The following FOLR2 variants were observed in gnomAD, a reference collection of about 807,000 sequenced individuals.
FOLR2 encodes folate receptor beta, also known as folate receptor 2 (fetal).
In FOLR2, 14 loss-of-function variants were observed where a neutral mutation model predicts 20.4. The observed-to-expected ratio is 0.68, with a 90% CI of 0.45 to 1.07. The LOEUF (loss-of-function observed/expected upper bound fraction) is 1.07, where lower values mean the gene tolerates loss of function less well. FOLR2 is among the 50% of genes least tolerant of loss of function. The pLI is 0.00. For synonymous variants in FOLR2, 114 were observed against 114.3 expected, an observed-to-expected ratio of 1.00 and a Z score of 0.02; for missense variants, 269 against 322.6, an observed-to-expected ratio of 0.83 and a Z score of 1.27.
In FOLR2 at chr11:72,221,152, C is replaced by G. The variant is rs753183270; in HGVS notation, c.340-24C>G. The G allele has an allele frequency of 5.0e-6, 8 of 1,595,294 alleles. No homozygotes were observed. In the East Asian group the frequency reaches 1.4e-4, roughly 27 times the overall value. ...GCCAGCATCCCTGGCTGAGAGGAGC[C>G]CTGCCTCCCCACCTCCCACCCAGGT... On this transcript the variant is annotated intron_variant, in intron 3 of 4. Transcript: ENST00000298223.
chr11:72,221,332 G>C (rs1225810441), intron 4 of FOLR2, 21 bp downstream of exon 4: 1 of 1,610,048 alleles, frequency 6.2e-7, no homozygotes, highest in Non-Finnish European at 8.5e-7. Flanking sequence ...TTGAGTTGGG[G>C]TTAGGAAAAA....
intron 2 of FOLR2, among the ~76,000 whole-genome samples, chr11:72,220,356 T>A (rs988816432): frequency 2.0e-5 from 3 of 152,220 alleles, no homozygotes; most frequent in African/African-American, 7.2e-5. Context: ...CAATTCCACA[T>A]TACCATTTCC....
In FOLR2 at chr11:72,220,854, T is replaced by A; in HGVS notation, c.151-16T>A. 6.2e-7 allele frequency: 1 copy of A among 1,613,726 alleles called. No individual in the cohort carries two copies. The highest frequency in any genetic ancestry group is 1.1e-5 in the South Asian group (1 of 91,060). On this transcript the variant is annotated splice_polypyrimidine_tract_variant and intron_variant, in intron 2 of 4. Coordinates refer to ENST00000298223, the MANE Select transcript of FOLR2 (RefSeq NM_000803.5). Reference sequence around the variant, plus strand: ...GGGTATGGGGAGGCACTTAGTCCTGTGTCTTCCCCACCCAGTGCAGTCCCT... The same window carrying A: ...GGGTATGGGGAGGCACTTAGTCCTGAGTCTTCCCCACCCAGTGCAGTCCCT...
Position 72,221,067 on chromosome 11 carries a change from T to TCGGGGGGGGGC in FOLR2, c.339+10_339+11insGGGGGGGGGCC. 2.9e-5 allele frequency: 45 copies of TCGGGGGGGGGC among 1,569,508 alleles called. No homozygotes were observed. The highest frequency in any genetic ancestry group is 3.5e-5 in the Non-Finnish European group (40 of 1,154,362). ...GGCCCTGGATCCAGCAGGTAGGGTG[T>TCGGGGGGGGGC]CTCCCCCCCACCCACCCCAGCAGAC... On this transcript the variant is annotated intron_variant, in intron 3 of 4. Transcript: ENST00000298223.
intron 2 of FOLR2, among the ~76,000 whole-genome samples, chr11:72,220,348 A>G (rs1241673400): frequency 6.6e-6 from 1 of 152,176 alleles, no homozygotes; most frequent in East Asian, 1.9e-4. Context: ...AATTTCAGCA[A>G]TTCCACATTA....
Position 72,221,666 on chromosome 11 carries a change from T to G in FOLR2, c.672T>G (p.Ala224=). The part of the protein sequence containing the change: ...NPNEEVARFY[A]AAMHVNAGEM... ...ACGAGGAAGTGGCGAGGTTCTATGC[T>G]GCAGCCATGCATGTGAATGCTGGTG... Residue 224 remains alanine (A), a synonymous_variant, in exon 5 of 5, where the codon GCT becomes GCG. Transcript: ENST00000298223. 1.2e-6 allele frequency: 2 copies of G among 1,614,214 alleles called. No individual in the cohort carries two copies. The highest frequency in any genetic ancestry group is 1.1e-5 in the South Asian group (1 of 91,080).
chr11:72,219,109 T>C (rs992588060), intron 2 of FOLR2, among the ~76,000 whole-genome samples: 15 of 152,168 alleles, frequency 9.9e-5, no homozygotes, highest in African/African-American at 3.4e-4. Context: ...TGGACATGAA[T>C]GGCCCCTGTG....
intron 1 of FOLR2, among the ~76,000 whole-genome samples, chr11:72,218,248 A>T (rs1368792350): frequency 2.0e-5 from 3 of 152,330 alleles, no homozygotes; most frequent in African/African-American, 7.2e-5. Context: ...GATAGACCTG[A>T]AGAATTTAAT....
Position 72,221,340 on chromosome 11 carries a change from A to G in FOLR2, c.475+29A>G, listed in dbSNP as rs372453624. 7.6e-5 allele frequency: 123 copies of G among 1,608,808 alleles called. No homozygotes were observed. In the East Asian group the frequency reaches 1.7e-3, roughly 23 times the overall value. On this transcript the variant is annotated intron_variant, in intron 4 of 4. Coordinates refer to ENST00000298223, the MANE Select transcript of FOLR2 (RefSeq NM_000803.5). ...AGGGTGATTGAGTTGGGGTTAGGAA[A>G]AAGGAGATTGAGGTAGGGTTTGGAA...
chr11:72,221,357 G>A, intron 4 of FOLR2, 46 bp downstream of exon 4: 1 of 1,604,302 alleles, frequency 6.2e-7, no homozygotes, highest in Non-Finnish European at 8.5e-7. Flanking sequence ...ATTGAGGTAG[G>A]GTTTGGAAAA....
Position 72,221,708 on chromosome 11 carries a change from T to G in FOLR2, c.714T>G (p.Thr238=). ...HVNAGEMLHG[T]GGLLLSLALM... ...ATGCTGGTGAGATGCTTCATGGGAC[T>G]GGGGGTCTCCTGCTCAGTCTGGCCC... Residue 238 remains threonine (T), a synonymous_variant, in exon 5 of 5, where the codon ACT becomes ACG. Transcript: ENST00000298223. 6.2e-7 allele frequency: 1 copy of G among 1,614,066 alleles called. No individual in the cohort carries two copies. The highest frequency in any genetic ancestry group is 8.5e-7 in the Non-Finnish European group (1 of 1,179,926).
chr11:72,217,462 G>A (rs929503023), intron 1 of FOLR2: 3 of 1,081,372 alleles, frequency 2.8e-6, no homozygotes, highest in African/African-American at 3.2e-5. Flanking sequence ...CAGAGAGGGA[G>A]AGGAAGCAGT....
At chr11:72,218,194 G>A (rs190175393) in intron 1 of FOLR2, among the ~76,000 whole-genome samples, 439 of 152,280 alleles carry the variant, frequency 2.9e-3, no homozygotes, top group Non-Finnish European at 4.7e-3. Flanking sequence ...CTGGACAGAG[G>A]GTGAAGACAT....
At chr11:72,216,991 G>T in intron 1 of FOLR2, 66 bp downstream of exon 1, 2 of 1,472,492 alleles carry the variant, frequency 1.4e-6, no homozygotes, top group Non-Finnish European at 9.4e-7. Context: ...TTGTGCAGAG[G>T]GGAGGAACAC....
chr11:72,221,358 G>T, intron 4 of FOLR2, 47 bp downstream of exon 4: 2 of 1,604,338 alleles, frequency 1.2e-6, no homozygotes, highest in Non-Finnish European at 1.7e-6. Flanking sequence ...TTGAGGTAGG[G>T]TTTGGAAAAT....
At position 72,221,067 on chromosome 11, in the gene FOLR2, T is replaced by TCGGGGGGC; in HGVS notation, c.339+10_339+11insGGGGGGCC. 1.3e-6 allele frequency: 2 copies of TCGGGGGGC among 1,570,108 alleles called. No individual in the cohort carries two copies. The highest frequency in any genetic ancestry group is 1.7e-6 in the Non-Finnish European group (2 of 1,154,906). On this transcript the variant is annotated intron_variant, in intron 3 of 4. Coordinates refer to ENST00000298223, the MANE Select transcript of FOLR2 (RefSeq NM_000803.5). ...GGCCCTGGATCCAGCAGGTAGGGTG[T>TCGGGGGGC]CTCCCCCCCACCCACCCCAGCAGAC... is the stretch of plus-strand genomic sequence containing the variant.
rs1054029663 is a variant in FOLR2 at position 72,216,817 on chromosome 11, C to T, written c.-133C>T. The T allele has an allele frequency of 8.3e-6, 12 of 1,438,098 alleles. No homozygotes were observed. The highest frequency in any genetic ancestry group is 4.6e-5 in the East Asian group (2 of 43,956). The allele number at this position is 1,438,098 out of a possible 1,614,324, so 89.1% of individuals were successfully genotyped here. ...CCAGAGCGCGTTGTCTACCCTGTAC[C>T]GAAGACAGAGGCTGTGGGGACAGCC... On this transcript the variant is annotated 5_prime_UTR_variant, in exon 1 of 5. Coordinates refer to ENST00000298223, the MANE Select transcript of FOLR2 (RefSeq NM_000803.5).
At position 72,221,725 on chromosome 11, in the gene FOLR2, G is replaced by T. The variant is rs763760811; in HGVS notation, c.731G>T (p.Ser244Ile). Residue 244 changes from serine to isoleucine, a missense_variant, in exon 5 of 5, where the codon AGT (serine) becomes ATT (isoleucine). Coordinates refer to ENST00000298223, the MANE Select transcript of FOLR2 (RefSeq NM_000803.5). ...CATGGGACTGGGGGTCTCCTGCTCA[G>T]TCTGGCCCTGATGCTGCAACTCTGG... ...MLHGTGGLLL[S>I]LALMLQLWLL... 2 of 1,613,996 alleles carry T rather than the reference G, an allele frequency of 1.2e-6. No individual in the cohort carries two copies. The highest frequency in any genetic ancestry group is 2.2e-5 in the East Asian group (1 of 44,888).
chr11:72,217,505 A>G, intron 1 of FOLR2: 1 of 735,186 alleles, frequency 1.4e-6, no homozygotes, highest in Non-Finnish European at 2.1e-6. Flanking sequence ...ACAGAGCCCA[A>G]AGGAACAGCT....
Sources: gnomAD v4.1 joint callset for allele counts (sites outside exome capture counted in the v4.1 genomes callset) on GRCh38, gnomAD v4.1.1 for gene constraint, MANE v1.5 for transcripts, NCBI Gene and HGNC (gene_info 2026-07-23, HGNC 2026-07-21) for gene names.